Variants in NEDD4L observed in about 807,000 individuals in gnomAD.
The protein encoded by NEDD4L is E3 ubiquitin-protein ligase NEDD4-like.
NEDD4L carries 54 observed loss-of-function variants against 148.9 expected under a neutral mutation model. The ratio of observed to expected loss-of-function variants is 0.36; its 90% CI spans 0.29 to 0.45. The LOEUF (loss-of-function observed/expected upper bound fraction) is 0.45, where lower values mean the gene tolerates loss of function less well. Ranked by LOEUF, NEDD4L falls within the 20% of genes least tolerant of loss-of-function variation. The probability of loss-of-function intolerance (pLI) is 1.00; values close to 1 mark genes in which losing one functional copy is unlikely to be tolerated. For missense variants in NEDD4L, 856 were observed against 1,233.8 expected (o/e 0.69, Z 4.59); for synonymous variants, 433 against 440.7 (o/e 0.98, Z 0.22).
At chr18:58,324,144 T>C (rs10163714) in intron 8 of NEDD4L, among the ~76,000 whole-genome samples, 7,403 of 152,244 alleles carry the variant, frequency 0.049, 548 homozygotes, top group African/African-American at 0.16. Context: ...ATGTGGGTGA[T>C]AGAAATTTAT....
At chr18:58,156,615 C>G (rs540979944) in intron 1 of NEDD4L, among the ~76,000 whole-genome samples, 1 of 152,276 alleles carries the variant, frequency 6.6e-6, no homozygotes, top group South Asian at 2.1e-4. Flanking sequence ...CTCCCACGCC[C>G]CACATTTCTG....
At chr18:58,066,387 GTTTTTT>G (rs368243667) in intron 1 of NEDD4L, among the ~76,000 whole-genome samples, 24,247 of 112,354 alleles carry the variant, frequency 0.22, 3,343 homozygotes, top group African/African-American at 0.41. Context: ...CTCTGTATTA[GTTTTTT>G]TTTTTTTTTT....
chr18:58,157,619 G>C (rs1212105148), intron 1 of NEDD4L, among the ~76,000 whole-genome samples: 1 of 151,754 alleles, frequency 6.6e-6, no homozygotes, highest in Non-Finnish European at 1.5e-5. Flanking sequence ...AAGTAGCCTT[G>C]GTTTCGCATT....
At position 58,053,501 on chromosome 18, in the gene NEDD4L, G is replaced by C. The variant is rs184712287; in HGVS notation, c.48+8793G>C. 2.2e-3 allele frequency among the ~76,000 whole-genome samples: 337 copies of C among 152,188 alleles called. 3 individuals carry two copies. The highest frequency in any genetic ancestry group is 0.015 in the Admixed American group (235 of 15,294). On this transcript the variant is annotated intron_variant, in intron 1 of 30. Coordinates refer to ENST00000400345, the MANE Select transcript of NEDD4L (RefSeq NM_001144967.3). ...TTTTTTTGTATTTTTAGTAGAGACGGGGTTTCACCATGTTAGGCAGGATGG... is the reference window on the plus strand; with the variant it reads ...TTTTTTTGTATTTTTAGTAGAGACGCGGTTTCACCATGTTAGGCAGGATGG...
At chr18:58,158,466 A>G (rs2035784054) in intron 1 of NEDD4L, among the ~76,000 whole-genome samples, 1 of 152,256 alleles carries the variant, frequency 6.6e-6, no homozygotes, top group Non-Finnish European at 1.5e-5. Context: ...AGGTAGAGTC[A>G]CCTTGAGCAT....
intron 5 of NEDD4L, among the ~76,000 whole-genome samples, chr18:58,266,448 T>C (rs572770203): frequency 6.6e-6 from 1 of 152,292 alleles, no homozygotes; most frequent in East Asian, 1.9e-4. Flanking sequence ...AGTTCTCATA[T>C]GTATATCTTT....
intron 27 of NEDD4L, 71 bp from the exon 28 acceptor site, chr18:58,389,014 T>A (rs2146921990): frequency 8.4e-7 from 1 of 1,186,492 alleles, no homozygotes; most frequent in South Asian, 1.3e-5. Context: ...GCACTGAGGG[T>A]GGTCATTTCT....
chr18:58,390,530 A>G (rs572218594), intron 28 of NEDD4L, 116 bp from the exon 29 acceptor site: 49 of 646,104 alleles, frequency 7.6e-5, no homozygotes, highest in African/African-American at 4.3e-4. Context: ...TTCAGAGTCA[A>G]CTGTCTAGGT....
At chr18:58,190,259 C>T (rs1478792554) in intron 2 of NEDD4L, among the ~76,000 whole-genome samples, 1 of 152,040 alleles carries the variant, frequency 6.6e-6, no homozygotes, top group Non-Finnish European at 1.5e-5. Context: ...CCTTATCTAT[C>T]CAAAGAGAGT....
intron 18 of NEDD4L, among the ~76,000 whole-genome samples, chr18:58,352,086 A>G (rs562209287): frequency 3.9e-5 from 6 of 152,238 alleles, no homozygotes; most frequent in Admixed American, 2.0e-4. Context: ...TTACAATTCA[A>G]CTGAAAGTAG....
At chr18:58,326,902 T>C (rs2059358968) in intron 9 of NEDD4L, among the ~76,000 whole-genome samples, 1 of 152,208 alleles carries the variant, frequency 6.6e-6, no homozygotes, top group African/African-American at 2.4e-5. Context: ...TACTATTTTT[T>C]TGATGGCTCC....
At chr18:58,124,167 C>T (rs1487526915) in intron 1 of NEDD4L, among the ~76,000 whole-genome samples, 3 of 152,082 alleles carry the variant, frequency 2.0e-5, no homozygotes, top group South Asian at 2.1e-4. Context: ...CTCCAATGAC[C>T]GGGTGACAAG....
chr18:58,210,387 T>C (rs951647828), intron 2 of NEDD4L, among the ~76,000 whole-genome samples: 2 of 152,210 alleles, frequency 1.3e-5, no homozygotes, highest in Admixed American at 6.5e-5. Context: ...ATAGGAAAGA[T>C]GATTAAAAGT....
At chr18:58,385,314 T>C (rs906591758) in intron 25 of NEDD4L, among the ~76,000 whole-genome samples, 1 of 152,184 alleles carries the variant, frequency 6.6e-6, no homozygotes, top group African/African-American at 2.4e-5. Context: ...TAATTACTCT[T>C]TTGAAATCTC....
chr18:58,129,532 G>A (rs1306145700), intron 1 of NEDD4L, among the ~76,000 whole-genome samples: 1 of 152,212 alleles, frequency 6.6e-6, no homozygotes, highest in East Asian at 1.9e-4. Flanking sequence ...CCCATCTTGA[G>A]TTGGAGGAAT....
intron 1 of NEDD4L, among the ~76,000 whole-genome samples, chr18:58,055,613 T>C (rs1034412263): frequency 6.6e-6 from 1 of 152,198 alleles, no homozygotes. Context: ...GATTACCAGG[T>C]CATTTTCATA....
At chr18:58,108,225 G>A (rs1420817058) in intron 1 of NEDD4L, among the ~76,000 whole-genome samples, 1 of 152,020 alleles carries the variant, frequency 6.6e-6, no homozygotes, top group Non-Finnish European at 1.5e-5. Context: ...AAAAGCTTTG[G>A]GGTGCCTCAT....
At chr18:58,264,544 G>T (rs957599619) in intron 5 of NEDD4L, among the ~76,000 whole-genome samples, 4 of 151,980 alleles carry the variant, frequency 2.6e-5, no homozygotes, top group Admixed American at 2.6e-4. Flanking sequence ...GTGATATCTT[G>T]TACCTGTTTA....
At chr18:58,364,369 A>T in intron 20 of NEDD4L, 36 bp downstream of exon 20, 1 of 1,378,582 alleles carries the variant, frequency 7.3e-7, no homozygotes, top group South Asian at 1.3e-5. Flanking sequence ...GCTTTGTGTT[A>T]GTCATTTGTA....
Sources: allele counts gnomAD v4.1 joint callset (sites outside exome capture counted in the v4.1 genomes callset), GRCh38; gene constraint gnomAD v4.1.1; transcripts MANE v1.5; gene names NCBI Gene and HGNC (gene_info 2026-07-23, HGNC 2026-07-21).